PYGO1: variants seen among roughly 807,000 people sequenced by gnomAD.
The protein encoded by PYGO1 is pygopus family PHD finger 1, also known as pygopus homolog 1.
In PYGO1, 6 loss-of-function variants were observed where a neutral mutation model predicts 29.5. That is an observed-to-expected ratio of 0.20 (90% confidence interval 0.11 to 0.40). PYGO1 has a LOEUF of 0.40. Ranked by LOEUF, PYGO1 falls within the 10% of genes least tolerant of loss-of-function variation. The probability of loss-of-function intolerance (pLI) is 1.00; values close to 1 mark genes in which losing one functional copy is unlikely to be tolerated. For missense variants in PYGO1, 515 were observed against 514.9 expected (o/e 1.00, Z 0.00); for synonymous variants, 186 against 180.5 (o/e 1.03, Z -0.24).
At chr15:55,569,117 A>G (rs1017713675) in intron 1 of PYGO1, among the ~76,000 whole-genome samples, 3 of 152,056 alleles carry the variant, frequency 2.0e-5, no homozygotes, top group Non-Finnish European at 4.4e-5. Context: ...TCTACTTTAT[A>G]GAATGAGTAA....
At chr15:55,556,801 G>C (rs957024992) in intron 1 of PYGO1, among the ~76,000 whole-genome samples, 1 of 151,646 alleles carries the variant, frequency 6.6e-6, no homozygotes, top group Non-Finnish European at 1.5e-5. Flanking sequence ...AAATGAAAGG[G>C]GGATATCACC....
chr15:55,583,856 C>T (rs1000085955), intron 1 of PYGO1, among the ~76,000 whole-genome samples: 21 of 152,104 alleles, frequency 1.4e-4, no homozygotes, highest in African/African-American at 4.8e-4. Flanking sequence ...CTAAAAACTG[C>T]CTTCTCAAAA....
intron 1 of PYGO1, among the ~76,000 whole-genome samples, chr15:55,571,679 G>GT (rs1188908081): frequency 1.3e-5 from 2 of 152,162 alleles, no homozygotes; most frequent in African/African-American, 4.8e-5. Flanking sequence ...ACATGGAACT[G>GT]TAAGTCCATT....
At position 55,546,574 on chromosome 15, in the gene PYGO1, G is replaced by T. The variant is rs143461426; in HGVS notation, c.709C>A (p.Pro237Thr). 2.5e-4 allele frequency: 406 copies of T among 1,613,906 alleles called. No individual in the cohort carries two copies. Among genetic ancestry groups the T allele is most frequent in the Non-Finnish European group, 3.2e-4 (374 of 1,180,012 alleles). Residue 237 changes from proline (P) to threonine (T), a missense_variant, in exon 3 of 3, where the codon CCA becomes ACA. Pro to Thr is a conservative substitution (Grantham distance 38, BLOSUM62 -1). Transcript: ENST00000563719. Reference sequence around the variant, plus strand: ...GCTCCTTGAGTAAAGTCTTGTTTTGGGGGTGGTGCTTTTGCTTGACCAAAA... The same window carrying T: ...GCTCCTTGAGTAAAGTCTTGTTTTGTGGGTGGTGCTTTTGCTTGACCAAAA... ...NTFGQAKAPP[P>T]KQDFTQGATK...
upstream of PYGO1, among the ~76,000 whole-genome samples, chr15:55,588,479 G>A (rs1209811942): frequency 1.4e-5 from 2 of 147,308 alleles, no homozygotes; most frequent in Non-Finnish European, 3.0e-5. Context: ...GGGGGCCGCT[G>A]CCTCGTCCCG....
At chr15:55,580,278 A>AT (rs571134289) in intron 1 of PYGO1, among the ~76,000 whole-genome samples, 1 of 151,976 alleles carries the variant, frequency 6.6e-6, no homozygotes, top group South Asian at 2.1e-4. Context: ...TGCTTAAAAA[A>AT]TTTTTTTTTG....
intron 1 of PYGO1, among the ~76,000 whole-genome samples, chr15:55,549,400 T>C (rs1038112910): frequency 6.6e-6 from 1 of 152,218 alleles, no homozygotes; most frequent in Non-Finnish European, 1.5e-5. Flanking sequence ...ACACACAGTG[T>C]ACCTTGCTTT....
chr15:55,579,441 C>A (rs1388349068), intron 1 of PYGO1, among the ~76,000 whole-genome samples: 1 of 152,104 alleles, frequency 6.6e-6, no homozygotes, highest in Non-Finnish European at 1.5e-5. Context: ...AAAGGTAATT[C>A]TTAAAAATAA....
intron 1 of PYGO1, among the ~76,000 whole-genome samples, chr15:55,586,195 T>G (rs1433993304): frequency 1.3e-5 from 2 of 152,202 alleles, no homozygotes; most frequent in African/African-American, 4.8e-5. Context: ...CCTTCCTACT[T>G]ACTGATTTAT....
At chr15:55,559,749 A>G (rs1018577211) in intron 1 of PYGO1, among the ~76,000 whole-genome samples, 2 of 152,228 alleles carry the variant, frequency 1.3e-5, no homozygotes, top group South Asian at 4.1e-4. Context: ...AGAAAACTTC[A>G]GGCTAATATT....
chr15:55,549,766 A>C (rs1213516596), intron 1 of PYGO1, among the ~76,000 whole-genome samples: 1 of 152,210 alleles, frequency 6.6e-6, no homozygotes, highest in African/African-American at 2.4e-5. Flanking sequence ...GGTTAAAAAG[A>C]GTTTATGAAA....
At chr15:55,576,348 T>C (rs8039911) in intron 1 of PYGO1, among the ~76,000 whole-genome samples, 51,802 of 141,710 alleles carry the variant, frequency 0.37, 9,481 homozygotes, top group East Asian at 0.49. Context: ...CCCAGCTACT[T>C]GGGAGGCTGA....
intron 1 of PYGO1, among the ~76,000 whole-genome samples, chr15:55,562,905 ACAC>A (rs1246543959): frequency 6.6e-6 from 1 of 152,020 alleles, no homozygotes; most frequent in Non-Finnish European, 1.5e-5. Flanking sequence ...CAAAAACAAA[ACAC>A]CACATGTTCT....
intron 1 of PYGO1, among the ~76,000 whole-genome samples, chr15:55,556,065 T>C (rs2058903568): frequency 6.6e-6 from 1 of 151,930 alleles, no homozygotes; most frequent in African/African-American, 2.4e-5. Context: ...TGGGAGACTT[T>C]AACACCCCAC....
In PYGO1 at chr15:55,546,339, T is replaced by C; in HGVS notation, c.944A>G (p.Asp315Gly). The change falls in exon 3 of 3, where the codon GAT becomes GGT. Residue 315 changes from aspartate to glycine, a missense_variant. Transcript: ENST00000563719. Reference protein sequence around the residue: ...NKPRQPRGAADACTTEKSNKS... With the variant: ...NKPRQPRGAAGACTTEKSNKS... ...ATTGCTTTTTTCTGTGGTGCAGGCA[T>C]CTGCTGCACCTCTTGGTTGTCGTGG... 6.2e-7 allele frequency: 1 copy of C among 1,614,208 alleles called. No individual in the cohort carries two copies. Among genetic ancestry groups the C allele is most frequent in the Non-Finnish European group, 8.5e-7 (1 of 1,180,022 alleles).
intron 1 of PYGO1, among the ~76,000 whole-genome samples, chr15:55,567,574 G>T (rs970289332): frequency 2.6e-5 from 4 of 151,986 alleles, no homozygotes; most frequent in Admixed American, 1.3e-4. Context: ...TGTTTACTCT[G>T]TTGTTTCTTT....
chr15:55,585,496 T>A (rs535774725), intron 1 of PYGO1, among the ~76,000 whole-genome samples: 19 of 152,328 alleles, frequency 1.2e-4, no homozygotes, highest in African/African-American at 3.8e-4. Context: ...AAAAATTTTT[T>A]AATGAATGTT....
intron 2 of PYGO1, among the ~76,000 whole-genome samples, chr15:55,547,915 T>C (rs1323129056): frequency 6.6e-6 from 1 of 152,252 alleles, no homozygotes; most frequent in Non-Finnish European, 1.5e-5. Context: ...GTTGAACAAT[T>C]ATTTCAGGTT....
intron 1 of PYGO1, among the ~76,000 whole-genome samples, chr15:55,584,191 A>T (rs2059037198): frequency 6.9e-6 from 1 of 144,082 alleles, no homozygotes; most frequent in Admixed American, 7.3e-5. Context: ...ATCTCAGCTC[A>T]CTGCAGCCTC....
Sources: gnomAD v4.1 joint callset for allele counts (sites outside exome capture counted in the v4.1 genomes callset) on GRCh38, gnomAD v4.1.1 for gene constraint, MANE v1.5 for transcripts, NCBI Gene and HGNC (gene_info 2026-07-23, HGNC 2026-07-21) for gene names.